The following STON2 variants were observed in gnomAD, a reference collection of about 807,000 sequenced individuals.
STON2 encodes the protein stonin-2.
STON2 carries 29 observed loss-of-function variants against 65.7 expected under a neutral mutation model. The observed-to-expected ratio is 0.44, with a 90% CI of 0.33 to 0.60. STON2 has a LOEUF of 0.60. Ranked by LOEUF, STON2 falls within the 20% of genes least tolerant of loss-of-function variation. The pLI, the probability that STON2 is intolerant of heterozygous loss-of-function variation, is 0.03. For synonymous variants in STON2, 404 were observed against 414.2 expected (o/e 0.98, Z 0.30); for missense variants, 1,054 against 1,118.1 (o/e 0.94, Z 0.82).
intron 3 of STON2, among the ~76,000 whole-genome samples, chr14:81,376,272 A>G (rs776153035): frequency 6.6e-6 from 1 of 151,978 alleles, no homozygotes; most frequent in Non-Finnish European, 1.5e-5. Flanking sequence ...AAAGAGTGCA[A>G]ATAACAGTAG....
At chr14:81,300,791 T>C (rs1452072221) in intron 5 of STON2, among the ~76,000 whole-genome samples, 1 of 152,202 alleles carries the variant, frequency 6.6e-6, no homozygotes. Flanking sequence ...AATTTAAACA[T>C]TCACCTACTT....
At chr14:81,428,240 A>G (rs559928391) in intron 1 of STON2, among the ~76,000 whole-genome samples, 1 of 152,330 alleles carries the variant, frequency 6.6e-6, no homozygotes, top group South Asian at 2.1e-4. Flanking sequence ...ACACGGAATG[A>G]TTTAGAAAAA....
At chr14:81,327,902 T>C (rs186982237) in intron 4 of STON2, among the ~76,000 whole-genome samples, 181 of 152,342 alleles carry the variant, frequency 1.2e-3, no homozygotes, top group African/African-American at 3.8e-3. Flanking sequence ...TGGTCCACAG[T>C]ACACCACTCA....
intron 2 of STON2, among the ~76,000 whole-genome samples, chr14:81,422,735 G>A (rs1901766421): frequency 6.6e-6 from 1 of 152,116 alleles, no homozygotes; most frequent in Admixed American, 6.6e-5. Flanking sequence ...GGTCCACCTA[G>A]TATTTCTAGA....
At chr14:81,395,775 G>T in intron 3 of STON2, 119 bp downstream of exon 3, 1 of 1,012,552 alleles carries the variant, frequency 9.9e-7, no homozygotes. Flanking sequence ...TCCCCTATGC[G>T]ACCAGTGCTT....
intron 4 of STON2, among the ~76,000 whole-genome samples, chr14:81,329,828 T>C (rs1340746897): frequency 6.6e-6 from 1 of 152,150 alleles, no homozygotes; most frequent in Non-Finnish European, 1.5e-5. Flanking sequence ...CTTTAATTTG[T>C]ATTAGACCAG....
At chr14:81,434,982 TTTTTAA>T (rs1356000140) in intron 1 of STON2, among the ~76,000 whole-genome samples, 1 of 152,164 alleles carries the variant, frequency 6.6e-6, no homozygotes, top group African/African-American at 2.4e-5. Context: ...CCTCCCTCTC[TTTTTAA>T]TTTTACCTTT....
chr14:81,377,635 T>C (rs1284528983), intron 3 of STON2, among the ~76,000 whole-genome samples: 1 of 152,170 alleles, frequency 6.6e-6, no homozygotes, highest in East Asian at 1.9e-4. Flanking sequence ...CCACCAGCAA[T>C]GCATGAATGA....
chr14:81,407,984 G>C (rs918028749), intron 2 of STON2, among the ~76,000 whole-genome samples: 1 of 152,164 alleles, frequency 6.6e-6, no homozygotes, highest in African/African-American at 2.4e-5. Flanking sequence ...CTAGAACAAA[G>C]AGAAGACTGG....
intron 5 of STON2, among the ~76,000 whole-genome samples, chr14:81,289,300 A>G (rs941125046): frequency 2.0e-5 from 3 of 152,168 alleles, no homozygotes; most frequent in African/African-American, 4.8e-5. Flanking sequence ...GCTTTGTAAG[A>G]TGATTCTCAG....
intron 4 of STON2, among the ~76,000 whole-genome samples, chr14:81,364,319 G>T (rs1898625682): frequency 6.6e-6 from 1 of 152,216 alleles, no homozygotes; most frequent in African/African-American, 2.4e-5. Context: ...TTTTGAGTCT[G>T]CTGAATCTAG....
In STON2 at chr14:81,263,551, AAAAAAAAAAC is replaced by A. The variant is rs1436797039; in HGVS notation, c.*4853_*4862del. 1 of 190,914 alleles carries A rather than the reference AAAAAAAAAAC, an allele frequency of 5.2e-6. No homozygotes were observed. Among genetic ancestry groups the A allele is most frequent in the Non-Finnish European group, 9.6e-6 (1 of 104,238 alleles). The allele number at this position is 190,914 out of a possible 1,614,324, so 11.8% of individuals were successfully genotyped here. A position where few individuals can be genotyped will look rare whatever the true frequency, so the allele number is the denominator to read the frequency against. Reference sequence around the variant, plus strand: ...AGACTCCGTCTCAAAAAAAAAAAAAAAAAAAAAAACAAAAAAGAAAATGCTATTTTTTGGC... The same window carrying A: ...AGACTCCGTCTCAAAAAAAAAAAAAAAAAAAAGAAAATGCTATTTTTTGGC... On this transcript the variant is annotated 3_prime_UTR_variant, in exon 8 of 8. Transcript: ENST00000614646.
At chr14:81,353,326 G>T (rs923897551) in intron 4 of STON2, among the ~76,000 whole-genome samples, 3 of 152,174 alleles carry the variant, frequency 2.0e-5, no homozygotes, top group Non-Finnish European at 4.4e-5. Flanking sequence ...TGGAGAAAAG[G>T]TTTGGAAATG....
intron 4 of STON2, among the ~76,000 whole-genome samples, chr14:81,329,809 C>T (rs1897143379): frequency 6.6e-6 from 1 of 152,130 alleles, no homozygotes; most frequent in African/African-American, 2.4e-5. Context: ...ACAGGAGAAC[C>T]TGAGTCAGCT....
chr14:81,279,708 A>G (rs1895030696), intron 5 of STON2, among the ~76,000 whole-genome samples: 1 of 152,140 alleles, frequency 6.6e-6, no homozygotes, highest in Non-Finnish European at 1.5e-5. Flanking sequence ...AAAAATGAAA[A>G]AAAAAAAATC....
intron 5 of STON2, among the ~76,000 whole-genome samples, chr14:81,310,874 T>G (rs1193793305): frequency 6.6e-6 from 1 of 152,176 alleles, no homozygotes; most frequent in Non-Finnish European, 1.5e-5. Context: ...TGACTTTTCA[T>G]AGGTGTTTTC....
intron 4 of STON2, among the ~76,000 whole-genome samples, chr14:81,331,248 C>T (rs1359671454): frequency 6.6e-6 from 1 of 152,248 alleles, no homozygotes; most frequent in Non-Finnish European, 1.5e-5. Context: ...GCTTTGGGTA[C>T]TTGCTGGAAG....
At chr14:81,296,491 T>TA (rs1234455141) in intron 5 of STON2, among the ~76,000 whole-genome samples, 1 of 152,166 alleles carries the variant, frequency 6.6e-6, no homozygotes, top group Non-Finnish European at 1.5e-5. Flanking sequence ...GTAACCTTTG[T>TA]ATCCTTCATT....
chr14:81,297,007 G>A (rs1465761409), intron 5 of STON2, among the ~76,000 whole-genome samples: 2 of 152,164 alleles, frequency 1.3e-5, no homozygotes, highest in Non-Finnish European at 2.9e-5. Flanking sequence ...TTTCTTTAAA[G>A]TATTTAATTT....
Sources: allele counts gnomAD v4.1 joint callset (sites outside exome capture counted in the v4.1 genomes callset), GRCh38; gene constraint gnomAD v4.1.1; transcripts MANE v1.5; gene names NCBI Gene and HGNC (gene_info 2026-07-23, HGNC 2026-07-21).